The following MSH6 variants were observed in gnomAD, a reference collection of about 807,000 sequenced individuals.
MSH6 encodes DNA mismatch repair protein Msh6.
Under a neutral mutation model 119.1 loss-of-function variants are expected in MSH6, and 85 were observed. The observed-to-expected ratio is 0.71, with a 90% confidence interval of 0.60 to 0.85. The LOEUF is 0.85. Ranked by LOEUF, MSH6 falls within the 40% of genes least tolerant of loss-of-function variation. The probability of loss-of-function intolerance (pLI) is 0.00; values close to 1 mark genes in which losing one functional copy is unlikely to be tolerated. For missense variants in MSH6, 2,163 were observed against 1,655.3 expected (o/e 1.31, Z -5.32); for synonymous variants, 830 against 586.9 (o/e 1.41, Z -5.99).
downstream of MSH6, chr2:47,808,463 A>G (rs997244587): frequency 2.6e-6 from 4 of 1,511,862 alleles, no homozygotes; most frequent in African/African-American, 1.4e-5. Context: ...TTTCTCAAAC[A>G]TGTCATTAAT....
rs1060502873 is a variant in MSH6 at position 47,800,613 on chromosome 2, A to G, written c.2630A>G (p.Glu877Gly). ...VMCKIIGIME[E>G]VADGFKSKIL... ...TGTAAAATTATAGGGATCATGGAAGAAGTTGCTGATGGTTTTAAGTCTAAA... is the reference window on the plus strand; with the variant it reads ...TGTAAAATTATAGGGATCATGGAAGGAGTTGCTGATGGTTTTAAGTCTAAA... Residue 877 changes from glutamate to glycine, a missense_variant, in exon 4 of 10, where the codon GAA (glutamate) becomes GGA (glycine). Glu to Gly is a moderately conservative substitution (Grantham distance 98). Coordinates refer to ENST00000234420, the MANE Select transcript of MSH6 (RefSeq NM_000179.3). 1 of 1,614,052 alleles carries G rather than the reference A, an allele frequency of 6.2e-7. No individual in the cohort carries two copies. The highest frequency in any genetic ancestry group is 1.3e-5 in the African/African-American group (1 of 74,936).
At chr2:47,785,222 G>A (rs994249270) in intron 1 of MSH6, among the ~76,000 whole-genome samples, 5 of 151,900 alleles carry the variant, frequency 3.3e-5, no homozygotes, top group African/African-American at 9.7e-5. Flanking sequence ...GAGCCAGTTC[G>A]TGTTTTTTGT....
intron 6 of MSH6, 102 bp downstream of exon 6, chr2:47,805,129 T>C (rs1346486108): frequency 1.2e-5 from 10 of 831,960 alleles, no homozygotes; most frequent in Non-Finnish European, 2.1e-5. Flanking sequence ...ATATTTGATT[T>C]TTCTGGTGTT....
At chr2:47,796,909 C>G (rs1424383970) in intron 3 of MSH6, among the ~76,000 whole-genome samples, 1 of 152,102 alleles carries the variant, frequency 6.6e-6, no homozygotes, top group East Asian at 1.9e-4. Context: ...ACTTGGGAGG[C>G]AGAGGGTGTA....
At chr2:47,807,940 T>C (rs1273410226), downstream of MSH6, 5 of 597,260 alleles carry the variant, frequency 8.4e-6, no homozygotes, top group East Asian at 1.4e-4. Flanking sequence ...AGATCCTGAG[T>C]CAATATATTG....
At chr2:47,790,368 C>T (rs897199091) in intron 1 of MSH6, among the ~76,000 whole-genome samples, 1 of 152,288 alleles carries the variant, frequency 6.6e-6, no homozygotes, top group East Asian at 1.9e-4. Flanking sequence ...GTTACGCCCT[C>T]AGTTGTTGAC....
chr2:47,786,214 G>T (rs529277548), intron 1 of MSH6, among the ~76,000 whole-genome samples: 4 of 152,324 alleles, frequency 2.6e-5, no homozygotes, highest in African/African-American at 9.6e-5. Context: ...TGGGTAGGAT[G>T]AAAGGAGGAG....
intron 2 of MSH6, among the ~76,000 whole-genome samples, chr2:47,793,343 A>C (rs1481595857): frequency 6.8e-6 from 1 of 147,836 alleles, no homozygotes; most frequent in Admixed American, 6.7e-5. Context: ...AAAAAAAAAA[A>C]AAAAGGCTGG....
In MSH6 at chr2:47,793,628, TAAATA is replaced by T. The variant is rs1408395506; in HGVS notation, c.458-2254_458-2250del. On this transcript the variant is annotated intron_variant, in intron 2 of 9. Coordinates refer to ENST00000234420, the MANE Select transcript of MSH6 (RefSeq NM_000179.3). Reference sequence around the variant, plus strand: ...TCTCAAAAATAAATAAATAAATAAATAAATAAAATAAAATAATAAATAAAGTAAAA... The same window carrying T: ...TCTCAAAAATAAATAAATAAATAAATAAATAAAATAATAAATAAAGTAAAA... Among the ~76,000 whole-genome samples the T allele has an allele frequency of 2.7e-5, 4 of 150,136 alleles. No individual in the cohort carries two copies. The East Asian group carries it at 5.9e-4, about 22-fold the overall frequency.
chr2:47,789,134 C>A (rs187762937), intron 1 of MSH6, among the ~76,000 whole-genome samples: 1 of 151,344 alleles, frequency 6.6e-6, no homozygotes, highest in Non-Finnish European at 1.5e-5. Flanking sequence ...CCATCTTGGC[C>A]AGGCTGGTCT....
At chr2:47,806,055 C>T (rs547760590) in intron 7 of MSH6, 149 bp from the exon 8 acceptor site, 8 of 787,918 alleles carry the variant, frequency 1.0e-5, no homozygotes, top group African/African-American at 3.4e-5. Flanking sequence ...TAAGCAGACT[C>T]GTGTAGCTAA....
At chr2:47,801,575 C>A (rs982909421) in intron 4 of MSH6, among the ~76,000 whole-genome samples, 1 of 151,912 alleles carries the variant, frequency 6.6e-6, no homozygotes, top group Non-Finnish European at 1.5e-5. Context: ...CACTGTGTTG[C>A]CAGGACTGGT....
chr2:47,800,708 T>G lies in MSH6; in HGVS notation c.2725T>G (p.Leu909Val), dbSNP rs876659785. ...TCGTTTTCCTGATTTGACTGTAGAA[T>G]TGAACCGATGGGATACAGCCTTTGA... ...EGRFPDLTVE[L>V]NRWDTAFDHE... is the part of the protein sequence containing the mutation. The change falls in exon 4 of 10, where the codon TTG (leucine) becomes GTG (valine). Residue 909 changes from leucine (L) to valine (V), a missense_variant. Physicochemically the swap from Leu to Val is conservative, Grantham distance 32. Transcript: ENST00000234420. 6.2e-7 allele frequency: 1 copy of G among 1,614,048 alleles called. No individual in the cohort carries two copies. The highest frequency in any genetic ancestry group is 1.3e-5 in the African/African-American group (1 of 74,926).
At chr2:47,791,929 C>T (rs1319957013) in intron 2 of MSH6, among the ~76,000 whole-genome samples, 5 of 152,042 alleles carry the variant, frequency 3.3e-5, no homozygotes, top group Non-Finnish European at 7.4e-5. Flanking sequence ...TCACTGCAAC[C>T]GCCACCTCCC....
rs1421072015 is a variant in MSH6, at chr2:47,805,757, G to A, written c.3646+50G>A. The A allele has an allele frequency of 3.1e-6, 4 of 1,303,208 alleles. No homozygotes were observed. In the South Asian group the frequency reaches 4.7e-5, roughly 15 times the overall value. 80.7% of individuals were successfully genotyped at this position (1,303,208 alleles called of 1,614,324 possible). ...AAGACTATCTATCTTAAAAACATTT[G>A]TACAAATAACTATTTTTATAGAAGA... On this transcript the variant is annotated intron_variant, in intron 7 of 9. Transcript: ENST00000234420.
chr2:47,808,682 A>T, downstream of MSH6: 3 of 379,962 alleles, frequency 7.9e-6, no homozygotes, highest in Non-Finnish European at 1.4e-5. Context: ...AGCCTCTCAA[A>T]TGTTTCTGGG....
At position 47,806,803 on chromosome 2, in the gene MSH6, G is replaced by C. The variant is rs876659515; in HGVS notation, c.4026G>C (p.Arg1342Ser). 5 of 1,607,866 alleles carry C rather than the reference G, an allele frequency of 3.1e-6. No homozygotes were observed. Among genetic ancestry groups the C allele is most frequent in the African/African-American group, 1.4e-5 (1 of 73,846 alleles). The change falls in exon 10 of 10, where the codon AGG (arginine) becomes AGC (serine). Residue 1342 changes from arginine to serine, a missense_variant. Coordinates refer to ENST00000234420, the MANE Select transcript of MSH6 (RefSeq NM_000179.3). ...LFREVCLASE[R>S]STVDAEAVHK... ...GGGAAGTTTGCCTGGCTAGTGAAAG[G>C]TCAACTGTAGATGCTGAAGCTGTCC...
chr2:47,795,410 A>T (rs182541150), intron 2 of MSH6, among the ~76,000 whole-genome samples: 3 of 145,394 alleles, frequency 2.1e-5, no homozygotes, highest in East Asian at 4.0e-4. Flanking sequence ...TGTCCAGCCA[A>T]CAAGTTATTT....
chr2:47,789,296 A>C (rs1668580509), intron 1 of MSH6: 1 of 376,172 alleles, frequency 2.7e-6, no homozygotes, highest in African/African-American at 2.1e-5. Context: ...TAAAGGATAA[A>C]ATGATGTTGA....
Sources: gnomAD v4.1 joint callset for allele counts (sites outside exome capture counted in the v4.1 genomes callset) on GRCh38, gnomAD v4.1.1 for gene constraint, MANE v1.5 for transcripts, NCBI Gene and HGNC (gene_info 2026-07-23, HGNC 2026-07-21) for gene names.